FSTL5: variants seen among roughly 807,000 people sequenced by gnomAD.
FSTL5 encodes follistatin like 5.
In FSTL5, 62 loss-of-function variants were observed where a neutral mutation model predicts 89.1. The ratio of observed to expected loss-of-function variants is 0.70; its 90% CI spans 0.57 to 0.86. FSTL5 has a LOEUF of 0.86. Among genes scored for constraint, FSTL5 ranks in the 40% least tolerant of loss-of-function variants. The pLI, the probability that FSTL5 is intolerant of heterozygous loss-of-function variation, is 0.00. For synonymous variants in FSTL5, 383 were observed against 346.2 expected (o/e 1.11, Z -1.18); for missense variants, 1,057 against 1,001.6 (o/e 1.06, Z -0.75).
chr4:161,890,003 T>C (rs1732935758), intron 4 of FSTL5, among the ~76,000 whole-genome samples: 1 of 152,186 alleles, frequency 6.6e-6, no homozygotes, highest in Admixed American at 6.5e-5. Flanking sequence ...GAAAAATCAG[T>C]GCCAATAATG....
At chr4:161,547,949 C>A (rs1200344600) in intron 8 of FSTL5, among the ~76,000 whole-genome samples, 1 of 151,744 alleles carries the variant, frequency 6.6e-6, no homozygotes, top group African/African-American at 2.4e-5. Flanking sequence ...TAACTATCTA[C>A]AAATATATTT....
At chr4:161,836,471 A>T in intron 4 of FSTL5, among the ~76,000 whole-genome samples, 1 of 151,678 alleles carries the variant, frequency 6.6e-6, no homozygotes, top group East Asian at 1.9e-4. Context: ...AAAAAAAAAA[A>T]GAAAAGAAAA....
chr4:161,797,531 G>A (rs992136384), intron 4 of FSTL5, among the ~76,000 whole-genome samples: 3 of 151,480 alleles, frequency 2.0e-5, no homozygotes, highest in Non-Finnish European at 4.4e-5. Context: ...GCAGAAAAAT[G>A]ACAAGTATTC....
chr4:161,442,765 C>G (rs11931414), intron 15 of FSTL5, among the ~76,000 whole-genome samples: 11 of 152,046 alleles, frequency 7.2e-5, no homozygotes, highest in African/African-American at 2.4e-4. Context: ...GTGCCAGGAA[C>G]TGTACAAGAG....
chr4:162,034,639 G>A (rs1315232398), intron 2 of FSTL5, among the ~76,000 whole-genome samples: 1 of 152,058 alleles, frequency 6.6e-6, no homozygotes, highest in Non-Finnish European at 1.5e-5. Context: ...CCGTCTAAAA[G>A]TTTCAGGGTC....
intron 3 of FSTL5, among the ~76,000 whole-genome samples, chr4:161,991,477 A>C (rs967629168): frequency 6.6e-6 from 1 of 152,124 alleles, no homozygotes; most frequent in South Asian, 2.1e-4. Flanking sequence ...CATATTATTA[A>C]CTCATTTGAA....
intron 5 of FSTL5, among the ~76,000 whole-genome samples, chr4:161,765,266 A>G (rs1740953237): frequency 6.6e-6 from 1 of 152,238 alleles, no homozygotes; most frequent in African/African-American, 2.4e-5. Flanking sequence ...GATGTTAAAT[A>G]GGATTAATTA....
chr4:161,538,043 A>T, intron 10 of FSTL5, 123 bp downstream of exon 10: 1 of 842,766 alleles, frequency 1.2e-6, no homozygotes, highest in Non-Finnish European at 1.8e-6. Context: ...CTACGTATAA[A>T]ATCTATTTGT....
At position 161,498,030 on chromosome 4, in the gene FSTL5, C is replaced by G. The variant is rs370796974; in HGVS notation, c.1458+1986G>C. ...TAAACATATATGTATACATAGAGACCTGGATACATCACATTGCTTTGTCCT... is the reference window on the plus strand; with the variant it reads ...TAAACATATATGTATACATAGAGACGTGGATACATCACATTGCTTTGTCCT... On this transcript the variant is annotated intron_variant, in intron 12 of 15. Coordinates refer to ENST00000306100, the MANE Select transcript of FSTL5 (RefSeq NM_020116.5). 4.6e-5 allele frequency among the ~76,000 whole-genome samples: 7 copies of G among 151,262 alleles called. No homozygotes were observed. In the East Asian group the frequency reaches 1.2e-3, roughly 25 times the overall value.
chr4:162,142,975 C>G (rs1003866045), intron 1 of FSTL5, among the ~76,000 whole-genome samples: 1 of 152,138 alleles, frequency 6.6e-6, no homozygotes, highest in African/African-American at 2.4e-5. Flanking sequence ...ACAACTGTTA[C>G]TATCATTATT....
intron 4 of FSTL5, among the ~76,000 whole-genome samples, chr4:161,788,905 A>C: frequency 6.6e-6 from 1 of 152,132 alleles, no homozygotes; most frequent in East Asian, 1.9e-4. Context: ...CTCTAAAAGA[A>C]ACAAAAATAA....
At chr4:161,665,547 A>T (rs1342478680) in intron 6 of FSTL5, among the ~76,000 whole-genome samples, 1 of 152,170 alleles carries the variant, frequency 6.6e-6, no homozygotes, top group Non-Finnish European at 1.5e-5. Flanking sequence ...GAGAAATCTT[A>T]AAATTTTGCA....
intron 6 of FSTL5, among the ~76,000 whole-genome samples, chr4:161,671,481 T>TC (rs1284584866): frequency 6.6e-6 from 1 of 152,184 alleles, no homozygotes; most frequent in Non-Finnish European, 1.5e-5. Context: ...ATATTTCTTC[T>TC]CCGAGTTTTT....
chr4:161,775,737 T>A (rs776381619), intron 5 of FSTL5, 141 bp downstream of exon 5: 23 of 448,804 alleles, frequency 5.1e-5, no homozygotes, highest in Non-Finnish European at 9.1e-5. Context: ...TCAAGTTTGC[T>A]ACAAAAATGT....
At chr4:161,871,560 T>A (rs1732263992) in intron 4 of FSTL5, among the ~76,000 whole-genome samples, 1 of 152,176 alleles carries the variant, frequency 6.6e-6, no homozygotes, top group Non-Finnish European at 1.5e-5. Flanking sequence ...TTATCACATA[T>A]AATATTCATG....
intron 8 of FSTL5, among the ~76,000 whole-genome samples, chr4:161,543,868 C>T (rs1273368160): frequency 6.6e-6 from 1 of 151,874 alleles, no homozygotes; most frequent in Non-Finnish European, 1.5e-5. Flanking sequence ...CTAGATATGA[C>T]CCCAAAGCAC....
intron 8 of FSTL5, among the ~76,000 whole-genome samples, chr4:161,578,559 T>A (rs896245031): frequency 6.6e-6 from 1 of 151,740 alleles, no homozygotes; most frequent in Non-Finnish European, 1.5e-5. Flanking sequence ...TTGAAAAAAA[T>A]AATGGCCAAA....
intron 5 of FSTL5, among the ~76,000 whole-genome samples, chr4:161,762,709 C>A (rs947274764): frequency 1.3e-5 from 2 of 152,092 alleles, no homozygotes; most frequent in African/African-American, 4.8e-5. Context: ...TCACTTGTTA[C>A]CTCGGATAAA....
intron 6 of FSTL5, among the ~76,000 whole-genome samples, chr4:161,725,205 C>T (rs1187775185): frequency 6.6e-6 from 1 of 151,930 alleles, no homozygotes; most frequent in African/African-American, 2.4e-5. Context: ...AAAAAAATAA[C>T]TCTGAAAATT....
Sources: allele counts gnomAD v4.1 joint callset (sites outside exome capture counted in the v4.1 genomes callset), GRCh38; gene constraint gnomAD v4.1.1; transcripts MANE v1.5; gene names NCBI Gene and HGNC (gene_info 2026-07-23, HGNC 2026-07-21).